The following ZNF341 variants were observed in gnomAD, a reference collection of about 807,000 sequenced individuals.
ZNF341 encodes the protein zinc finger protein 341.
A neutral mutation model predicts 87.7 loss-of-function variants in ZNF341; 52 were observed. The ratio of observed to expected loss-of-function variants is 0.59; its 90% CI spans 0.47 to 0.75. ZNF341 has a LOEUF of 0.75. Ranked by LOEUF, ZNF341 falls within the 30% of genes least tolerant of loss-of-function variation. The pLI, the probability that ZNF341 is intolerant of heterozygous loss-of-function variation, is 0.00. For synonymous variants in ZNF341, 459 were observed against 472.7 expected, an observed-to-expected ratio of 0.97 and a Z score of 0.38; for missense variants, 977 against 1,145.9, an observed-to-expected ratio of 0.85 and a Z score of 2.13.
At chr20:33,761,296 A>C (rs62209610) in intron 7 of ZNF341, among the ~76,000 whole-genome samples, 1 of 151,956 alleles carries the variant, frequency 6.6e-6, no homozygotes, top group African/African-American at 2.4e-5. Context: ...ATGGAGTCTC[A>C]CTCTGTCACC....
In ZNF341 at chr20:33,791,384, C is replaced by T. The variant is rs746287591; in HGVS notation, c.2432C>T (p.Ala811Val). ...ATCGTTGTGGGTGGTGCGGTGGGCG[C>T]GGAAACTGAGCTGGTGGTACCTGGA... ...LSIVVGGAVG[A>V]ETELVVPGHA... The change falls in exon 15 of 15, where the codon GCG becomes GTG. Residue 811 changes from alanine to valine, a missense_variant. Coordinates refer to ENST00000375200, the MANE Select transcript of ZNF341 (RefSeq NM_001282933.2). 5.4e-5 allele frequency: 87 copies of T among 1,612,500 alleles called. No homozygotes were observed. Among genetic ancestry groups the T allele is most frequent in the Admixed American group, 1.0e-4 (6 of 59,992 alleles).
At chr20:33,774,217 G>A (rs1295557714) in intron 10 of ZNF341, among the ~76,000 whole-genome samples, 4 of 151,990 alleles carry the variant, frequency 2.6e-5, no homozygotes, top group Middle Eastern at 3.2e-3. Context: ...GCTCAAACTC[G>A]GGAGGTGGAG....
chr20:33,781,458 C>T (rs1601286599), intron 11 of ZNF341, 71 bp downstream of exon 11: 3 of 1,381,762 alleles, frequency 2.2e-6, no homozygotes, highest in Admixed American at 1.7e-5. Context: ...GGGGTGCACA[C>T]CTCACCCTTT....
chr20:33,745,277 C>T lies in ZNF341; in HGVS notation c.317C>T (p.Ala106Val). 2 of 1,612,366 alleles carry T rather than the reference C, an allele frequency of 1.2e-6. No homozygotes were observed. The highest frequency in any genetic ancestry group is 1.7e-6 in the Non-Finnish European group (2 of 1,178,770). Residue 106 changes from alanine (A) to valine (V), a missense_variant, in exon 3 of 15, where the codon GCC becomes GTC. Transcript: ENST00000375200. Reference sequence around the variant, plus strand: ...GCAGCACCCACAGCGGTCCAGCAGGCCCCAACTCCTGCCAATCGCCAGGTA... The same window carrying T: ...GCAGCACCCACAGCGGTCCAGCAGGTCCCAACTCCTGCCAATCGCCAGGTA... The part of the protein sequence containing the change: ...PSAAPTAVQQ[A>V]PTPANRQIST...
At chr20:33,788,840 C>G (rs761791940) in intron 12 of ZNF341, 23 bp from the exon 13 acceptor site, 2 of 1,608,168 alleles carry the variant, frequency 1.2e-6, no homozygotes, top group Admixed American at 1.7e-5. Context: ...AGTGCTGGCT[C>G]TCCCTGTCTG....
rs2020017320 is a variant in ZNF341 at position 33,791,199 on chromosome 20, G to A, written c.2247G>A (p.Arg749=). The change falls in exon 15 of 15, where the codon AGG becomes AGA. Residue 749 remains arginine (R), a synonymous_variant. Transcript: ENST00000375200. ...TGCAAACCCGGCGGCCCCCCCAGAG[G>A]AGGGCAGCCCCCCGCAGTTGCGGCA... is the stretch of plus-strand genomic sequence containing the variant. ...KDLQTRRPPQ[R]RAAPRSCGSG... The A allele has an allele frequency of 1.2e-6, 2 of 1,612,756 alleles. No homozygotes were observed. The highest frequency in any genetic ancestry group is 8.5e-7 in the Non-Finnish European group (1 of 1,179,872).
In ZNF341 at chr20:33,785,371, C is replaced by T. The variant is rs1261239437; in HGVS notation, c.1852+1507C>T. 9.2e-5 allele frequency among the ~76,000 whole-genome samples: 14 copies of T among 152,012 alleles called. 1 individual carries two copies. Among genetic ancestry groups the T allele is most frequent in the Admixed American group, 9.2e-4 (14 of 15,250 alleles). ...TTTTATTTTTATTTTGAGACAGGGT[C>T]TCACTCTGTCACCCAGGCTGGAGTG... On this transcript the variant is annotated intron_variant, in intron 12 of 14. Transcript: ENST00000375200.
At chr20:33,784,633 G>C (rs1162422035) in intron 12 of ZNF341, among the ~76,000 whole-genome samples, 1 of 139,200 alleles carries the variant, frequency 7.2e-6, no homozygotes, top group Non-Finnish European at 1.5e-5. Context: ...TTTTTTCTTT[G>C]AGACAAAGTC....
Position 33,754,661 on chromosome 20 carries a change from A to G in ZNF341, c.741+1238A>G, listed in dbSNP as rs138746915. Among the ~76,000 whole-genome samples the G allele has an allele frequency of 5.1e-4, 78 of 152,342 alleles. No homozygotes were observed. In the Middle Eastern group the frequency reaches 0.017, roughly 33 times the overall value. ...TGTGGTAGTCAGAGGGGACCAGCCC[A>G]GAGAGGACCAGCACAGAAGGAGCTG... On this transcript the variant is annotated intron_variant, in intron 5 of 14. Coordinates refer to ENST00000375200, the MANE Select transcript of ZNF341 (RefSeq NM_001282933.2).
chr20:33,770,030 G>A, intron 9 of ZNF341, 54 bp from the exon 10 acceptor site: 2 of 1,271,936 alleles, frequency 1.6e-6, no homozygotes, highest in South Asian at 2.5e-5. Context: ...GCCAGGGGCT[G>A]CAGTGGAGGA....
intron 1 of ZNF341, among the ~76,000 whole-genome samples, chr20:33,739,999 G>C (rs573257371): frequency 2.8e-4 from 43 of 152,112 alleles, no homozygotes; most frequent in Non-Finnish European, 3.4e-4. Flanking sequence ...CAAGTAGTTG[G>C]GATTACAGGC....
chr20:33,791,489 T>C lies in ZNF341; in HGVS notation c.2537T>C (p.Val846Ala). ...GAEGPCAMLA[V>A]PVYIQASE The stretch of plus-strand genomic sequence containing the variant: ...GAGGGCCCATGTGCCATGCTCGCTG[T>C]GCCCGTCTACATCCAGGCCTCCGAG... Residue 846 changes from valine (V) to alanine (A), a missense_variant, in exon 15 of 15, where the codon GTG becomes GCG. Physicochemically the swap from Val to Ala is moderately conservative, Grantham distance 64. This residue lies in a region of ZNF341 where 221 missense variants were observed against 212.7 expected (regional missense o/e 1.04). Coordinates refer to ENST00000375200, the MANE Select transcript of ZNF341 (RefSeq NM_001282933.2). The C allele has an allele frequency of 6.3e-7, 1 of 1,580,658 alleles. No individual in the cohort carries two copies. The highest frequency in any genetic ancestry group is 2.2e-5 in the East Asian group (1 of 44,488).
At chr20:33,777,528 G>T (rs1446679515) in intron 10 of ZNF341, among the ~76,000 whole-genome samples, 1 of 151,564 alleles carries the variant, frequency 6.6e-6, no homozygotes, top group African/African-American at 2.4e-5. Context: ...CAGTTACTTG[G>T]GAGGCTGAGG....
chr20:33,779,117 G>C (rs1186584930), intron 10 of ZNF341, among the ~76,000 whole-genome samples: 1 of 152,186 alleles, frequency 6.6e-6, no homozygotes, highest in Non-Finnish European at 1.5e-5. Context: ...TAGTGTCTGA[G>C]CTAGCAGATC....
intron 2 of ZNF341, among the ~76,000 whole-genome samples, chr20:33,743,333 CA>C (rs1423344537): frequency 2.1e-5 from 3 of 141,290 alleles, no homozygotes; most frequent in Admixed American, 7.1e-5. Flanking sequence ...GCACCCTGCC[CA>C]ATTTTTTTTT....
rs2020039957 is a variant in ZNF341 at position 33,791,674 on chromosome 20, G to A, written c.*157G>A. ...CATTCAGAAACCTCAGCCCATGGTC[G>A]CCCTCCTGTGCCCCTCTCCTGCCGG... is the stretch of plus-strand genomic sequence containing the variant. On this transcript the variant is annotated 3_prime_UTR_variant, in exon 15 of 15. Transcript: ENST00000375200. 10 of 814,096 alleles carry A rather than the reference G, an allele frequency of 1.2e-5. No individual in the cohort carries two copies. The highest frequency in any genetic ancestry group is 4.5e-5 in the South Asian group (2 of 44,812). The allele number at this position is 814,096 out of a possible 1,614,324, so 50.4% of individuals were successfully genotyped here.
intron 1 of ZNF341, among the ~76,000 whole-genome samples, chr20:33,733,506 G>A (rs6120359): frequency 0.024 from 3,680 of 151,934 alleles, 150 homozygotes; most frequent in African/African-American, 0.084. Flanking sequence ...CAAAGTGCTG[G>A]GATTACAGGC....
intron 4 of ZNF341, among the ~76,000 whole-genome samples, chr20:33,751,530 G>A (rs2019055051): frequency 6.6e-6 from 1 of 152,074 alleles, no homozygotes. Flanking sequence ...TCTACCCAGG[G>A]AAACACACTT....
chr20:33,759,481 T>A (rs2019249271), intron 7 of ZNF341, among the ~76,000 whole-genome samples: 1 of 152,000 alleles, frequency 6.6e-6, no homozygotes, highest in Non-Finnish European at 1.5e-5. Context: ...ATGGGGTTTC[T>A]CCATGTTGGT....
Sources: allele counts gnomAD v4.1 joint callset (sites outside exome capture counted in the v4.1 genomes callset), GRCh38; gene constraint gnomAD v4.1.1; regional missense constraint gnomAD v4.1.1; transcripts MANE v1.5; gene names NCBI Gene and HGNC (gene_info 2026-07-23, HGNC 2026-07-21).